LEPR: variants seen among roughly 807,000 people sequenced by gnomAD.
The protein encoded by LEPR is leptin receptor.
A neutral mutation model predicts 114.7 loss-of-function variants in LEPR; 56 were observed. That is an observed-to-expected ratio of 0.49 (90% CI 0.39 to 0.61). The LOEUF (loss-of-function observed/expected upper bound fraction) is 0.61. LEPR is among the 20% of genes least tolerant of loss of function. The pLI, the probability that LEPR is intolerant of heterozygous loss-of-function variation, is 0.00. For missense variants in LEPR, 1,202 were observed against 1,352.9 expected, an observed-to-expected ratio of 0.89 and a Z score of 1.75; for synonymous variants, 443 against 461.4, an observed-to-expected ratio of 0.96 and a Z score of 0.51.
intron 2 of LEPR, among the ~76,000 whole-genome samples, chr1:65,476,957 G>T (rs980832454): frequency 1.3e-5 from 2 of 152,174 alleles, no homozygotes; most frequent in Non-Finnish European, 1.5e-5. Flanking sequence ...AGAGTACATT[G>T]TCAAAATTTC....
In LEPR at chr1:65,572,317, T is replaced by TTTTA; in HGVS notation, c.371-9_371-8insTTTA. The TTTTA allele has an allele frequency of 8.2e-7, 1 of 1,223,888 alleles. No homozygotes were observed. Among genetic ancestry groups the TTTTA allele is most frequent in the South Asian group, 1.4e-5 (1 of 69,000 alleles). The allele number at this position is 1,223,888 out of a possible 1,614,324, so 75.8% of individuals were successfully genotyped here. A position where few individuals can be genotyped will look rare whatever the true frequency, so the allele number is the denominator to read the frequency against. ...TTTTTTTTTTTTTTTTTTTTTTTTT[T>TTTTA]AAATTCAGATGCAAACTGGAACATA... On this transcript the variant is annotated splice_polypyrimidine_tract_variant and intron_variant, in intron 4 of 19. Transcript: ENST00000349533.
At chr1:65,530,425 T>C (rs1650303473) in intron 2 of LEPR, among the ~76,000 whole-genome samples, 1 of 152,154 alleles carries the variant, frequency 6.6e-6, no homozygotes, top group South Asian at 2.1e-4. Context: ...ACAAGTTTAT[T>C]TGGAAAGTGA....
Position 65,638,578 on chromosome 1 carries a change from C to G in LEPR, c.*1563C>G, listed in dbSNP as rs537450379. 4.6e-5 allele frequency: 7 copies of G among 152,278 alleles called. No homozygotes were observed. The highest frequency in any genetic ancestry group is 1.4e-4 in the African/African-American group (6 of 41,544). The allele number at this position is 152,278 out of a possible 1,614,324, so 9.4% of individuals were successfully genotyped here. On this transcript the variant is annotated 3_prime_UTR_variant, in exon 20 of 20. Coordinates refer to ENST00000349533, the MANE Select transcript of LEPR (RefSeq NM_002303.6). ...TTTTACTGTTATCCTAAATAAATCT[C>G]TACATTCCATCTCTAGTCCAGTTGT...
At position 65,426,560 on chromosome 1, in the gene LEPR, TG is replaced by T. The variant is rs553547460; in HGVS notation, c.-21+1186del. ...TCATAAATCAAGCAAAATTGAGGGC[TG>T]GGGCAGTAGGAATGGAAAGAAAAGG... On this transcript the variant is annotated intron_variant, in intron 2 of 19. Coordinates refer to ENST00000349533, the MANE Select transcript of LEPR (RefSeq NM_002303.6). Among the ~76,000 whole-genome samples, 260 of 152,070 alleles carry T rather than the reference TG, an allele frequency of 1.7e-3. 2 individuals are homozygous for T. The highest frequency in any genetic ancestry group is 6.8e-3 in the Middle Eastern group (2 of 294).
intron 5 of LEPR, among the ~76,000 whole-genome samples, chr1:65,588,058 A>G (rs1655433131): frequency 6.6e-6 from 1 of 152,048 alleles, no homozygotes; most frequent in Non-Finnish European, 1.5e-5. Context: ...ATGAGGTAGC[A>G]GATATTAATG....
intron 2 of LEPR, among the ~76,000 whole-genome samples, chr1:65,506,858 G>C (rs553570833): frequency 6.6e-6 from 1 of 152,118 alleles, no homozygotes; most frequent in Non-Finnish European, 1.5e-5. Context: ...ATTGCAGTCA[G>C]TATGCTGTCC....
chr1:65,511,769 A>G (rs937260571), intron 2 of LEPR, among the ~76,000 whole-genome samples: 34 of 152,300 alleles, frequency 2.2e-4, no homozygotes, highest in African/African-American at 7.9e-4. Context: ...CAATCTGTAG[A>G]AAACTATCAC....
intron 2 of LEPR, among the ~76,000 whole-genome samples, chr1:65,456,015 A>G (rs4592285): frequency 0.69 from 105,637 of 152,012 alleles, 38,144 homozygotes; most frequent in African/African-American, 0.84. Context: ...TCGGAAAAGC[A>G]CAGTATTCGG....
At chr1:65,421,363 G>T in intron 1 of LEPR, 2 of 1,534,094 alleles carry the variant, frequency 1.3e-6, no homozygotes, top group South Asian at 2.4e-5. Flanking sequence ...TGTGTTTTTT[G>T]CATGGGGCAG....
chr1:65,555,344 A>G (rs1341364095), intron 2 of LEPR, among the ~76,000 whole-genome samples: 1 of 152,238 alleles, frequency 6.6e-6, no homozygotes, highest in African/African-American at 2.4e-5. Context: ...AGACCCACAT[A>G]TCACCTGGAT....
chr1:65,436,028 A>G (rs1480762458), intron 2 of LEPR: 1 of 983,768 alleles, frequency 1.0e-6, no homozygotes, highest in African/African-American at 1.7e-5. Context: ...TATGTACATT[A>G]TTAAATGAAA....
At chr1:65,518,026 T>C (rs1438442609) in intron 2 of LEPR, among the ~76,000 whole-genome samples, 1 of 152,228 alleles carries the variant, frequency 6.6e-6, no homozygotes, top group Non-Finnish European at 1.5e-5. Context: ...TTTCATTTGG[T>C]ATGCCTATTA....
chr1:65,500,197 A>G (rs1157944546), intron 2 of LEPR, among the ~76,000 whole-genome samples: 15 of 152,102 alleles, frequency 9.9e-5, no homozygotes, highest in Admixed American at 9.8e-4. Context: ...TGGAACTGTG[A>G]GTCCATTACA....
intron 2 of LEPR, among the ~76,000 whole-genome samples, chr1:65,518,911 TTCTTTCTCTCTTTCTC>T (rs1491102880): frequency 1.2e-5 from 1 of 85,222 alleles, no homozygotes; most frequent in African/African-American, 3.8e-5. Flanking sequence ...CTTTCTTTCT[TTCTTTCTCTCTTTCTC>T]TGTTTCTTTC....
chr1:65,493,313 T>A (rs1433142723), intron 2 of LEPR, among the ~76,000 whole-genome samples: 1 of 149,018 alleles, frequency 6.7e-6, no homozygotes, highest in African/African-American at 2.4e-5. Context: ...GTTTTCCTAC[T>A]TGTTCTCTTA....
At chr1:65,524,492 G>A (rs1649800762) in intron 2 of LEPR, among the ~76,000 whole-genome samples, 1 of 152,200 alleles carries the variant, frequency 6.6e-6, no homozygotes, top group Admixed American at 6.5e-5. Context: ...TTCCTATGAA[G>A]GAGAAGCTCC....
At position 65,605,690 on chromosome 1, in the gene LEPR, T is replaced by A. The variant is rs569284275; in HGVS notation, c.1603+453T>A. Among the ~76,000 whole-genome samples the A allele has an allele frequency of 2.0e-5, 3 of 152,278 alleles. No homozygotes were observed. In the East Asian group the frequency reaches 5.8e-4, roughly 29 times the overall value. On this transcript the variant is annotated intron_variant, in intron 11 of 19. Coordinates refer to ENST00000349533, the MANE Select transcript of LEPR (RefSeq NM_002303.6). ...AGGGCACAGAAGCATTTAAAATAGC[T>A]AAATTGAAGTGGAGGAAATAGACAA... is the stretch of plus-strand genomic sequence containing the variant.
intron 11 of LEPR, among the ~76,000 whole-genome samples, chr1:65,606,274 A>G (rs1656801599): frequency 6.6e-6 from 1 of 152,174 alleles, no homozygotes; most frequent in Non-Finnish European, 1.5e-5. Context: ...CAGGATAGCA[A>G]GGAACCCTCC....
At chr1:65,538,888 T>C (rs1422525589) in intron 2 of LEPR, among the ~76,000 whole-genome samples, 2 of 152,044 alleles carry the variant, frequency 1.3e-5, no homozygotes, top group Non-Finnish European at 2.9e-5. Context: ...TTATCTCTTG[T>C]GCCTTTTATC....
Sources: gnomAD v4.1 joint callset for allele counts (sites outside exome capture counted in the v4.1 genomes callset) on GRCh38, gnomAD v4.1.1 for gene constraint, MANE v1.5 for transcripts, NCBI Gene and HGNC (gene_info 2026-07-23, HGNC 2026-07-21) for gene names.